The following CAVIN1 variants were observed in gnomAD, a reference collection of about 807,000 sequenced individuals.
CAVIN1 encodes the protein caveolae-associated protein 1.
In CAVIN1, 16 loss-of-function variants were observed where a neutral mutation model predicts 24.0. The ratio of observed to expected loss-of-function variants is 0.67; its 90% CI spans 0.45 to 1.01. The LOEUF (loss-of-function observed/expected upper bound fraction) is 1.01. CAVIN1 is among the 50% of genes least tolerant of loss of function. CAVIN1 has a pLI of 0.00. For missense variants in CAVIN1, 510 were observed against 551.7 expected, an observed-to-expected ratio of 0.92 and a Z score of 0.76; for synonymous variants, 256 against 256.4, an observed-to-expected ratio of 1.00 and a Z score of 0.02.
In CAVIN1 at chr17:42,420,996, C is replaced by T. The variant is rs955836930; in HGVS notation, c.471+1631G>A. The stretch of plus-strand genomic sequence containing the variant: ...AAAACGTCAAAAGCCCCCCTCTCAT[C>T]CTGCGTCCTCCAAGCAGTTAGACTA... On this transcript the variant is annotated intron_variant, in intron 1 of 1. Coordinates refer to ENST00000357037, the MANE Select transcript of CAVIN1 (RefSeq NM_012232.6). Among the ~76,000 whole-genome samples, 7 of 152,126 alleles carry T rather than the reference C, an allele frequency of 4.6e-5. No individual in the cohort carries two copies. The East Asian group carries it at 9.6e-4, about 21-fold the overall frequency.
chr17:42,421,731 GC>G (rs1302515851), intron 1 of CAVIN1, among the ~76,000 whole-genome samples: 1 of 152,178 alleles, frequency 6.6e-6, no homozygotes, highest in Non-Finnish European at 1.5e-5. Flanking sequence ...CCCGGGCGGA[GC>G]CGGGGGGTGG....
chr17:42,412,289 G>A (rs1240732919), intron 1 of CAVIN1: 46 of 985,052 alleles, frequency 4.7e-5, no homozygotes, highest in Non-Finnish European at 5.4e-5. Flanking sequence ...GGCTTGGGGT[G>A]GGTGCAAAAG....
At chr17:42,415,134 G>C (rs995773530) in intron 1 of CAVIN1, among the ~76,000 whole-genome samples, 1 of 152,082 alleles carries the variant, frequency 6.6e-6, no homozygotes, top group Non-Finnish European at 1.5e-5. Flanking sequence ...CCCAGGGCCA[G>C]GACTGTGCAA....
At chr17:42,411,418 G>C in intron 1 of CAVIN1, 2 of 984,992 alleles carry the variant, frequency 2.0e-6, no homozygotes, top group Non-Finnish European at 2.4e-6. Context: ...TTTTTTTTAA[G>C]TTGAGAAACA....
chr17:42,419,687 C>G (rs2085533513), intron 1 of CAVIN1, among the ~76,000 whole-genome samples: 1 of 152,176 alleles, frequency 6.6e-6, no homozygotes, highest in Non-Finnish European at 1.5e-5. Flanking sequence ...AGTCCATTAA[C>G]TCCTATAACT....
chr17:42,405,415 G>A (rs71377279), intron 1 of CAVIN1, 27 bp from the exon 2 acceptor site: 1 of 1,599,582 alleles, frequency 6.3e-7, no homozygotes, highest in Non-Finnish European at 8.5e-7. Context: ...AGGGACATGA[G>A]AGGCGTCGGA....
At chr17:42,406,278 C>G (rs1016476201) in intron 1 of CAVIN1, among the ~76,000 whole-genome samples, 1 of 152,062 alleles carries the variant, frequency 6.6e-6, no homozygotes, top group African/African-American at 2.4e-5. Flanking sequence ...GTGGGAGTGT[C>G]TAAGTTGAAA....
At chr17:42,417,620 A>T (rs1235706662) in intron 1 of CAVIN1, among the ~76,000 whole-genome samples, 1 of 152,196 alleles carries the variant, frequency 6.6e-6, no homozygotes, top group Non-Finnish European at 1.5e-5. Context: ...AGTCTAGCCC[A>T]TACAATTATA....
intron 1 of CAVIN1, chr17:42,412,389 C>A: frequency 3.2e-4 from 64 of 203,002 alleles, no homozygotes; most frequent in Middle Eastern, 2.6e-3. Context: ...AAATAAACCA[C>A]TTTTTTTTTT....
chr17:42,410,650 A>C (rs1385461422), intron 1 of CAVIN1, among the ~76,000 whole-genome samples: 1 of 152,102 alleles, frequency 6.6e-6, no homozygotes, highest in Admixed American at 6.6e-5. Context: ...GCTGTGGCTC[A>C]AGGCTGTAAT....
intron 1 of CAVIN1, among the ~76,000 whole-genome samples, chr17:42,418,229 CTTTTTT>C (rs555569816): frequency 3.1e-5 from 4 of 129,474 alleles, no homozygotes; most frequent in African/African-American, 5.9e-5. Flanking sequence ...ACTGTATTTC[CTTTTTT>C]TTTTTTTTTT....
At chr17:42,419,540 A>C (rs1049775506) in intron 1 of CAVIN1, among the ~76,000 whole-genome samples, 1 of 151,970 alleles carries the variant, frequency 6.6e-6, no homozygotes, top group Non-Finnish European at 1.5e-5. Context: ...CGAACTACTG[A>C]CCTCAAGTGA....
chr17:42,411,064 A>G (rs1230379037), intron 1 of CAVIN1, among the ~76,000 whole-genome samples: 1 of 150,980 alleles, frequency 6.6e-6, no homozygotes, highest in Non-Finnish European at 1.5e-5. Flanking sequence ...GTGGTGGCAC[A>G]TGCCTGTAAT....
At chr17:42,415,695 G>A (rs893995065) in intron 1 of CAVIN1, among the ~76,000 whole-genome samples, 3 of 151,448 alleles carry the variant, frequency 2.0e-5, no homozygotes, top group Admixed American at 6.6e-5. Flanking sequence ...CTGGGCAACA[G>A]AGTGAGACCC....
intron 1 of CAVIN1, among the ~76,000 whole-genome samples, chr17:42,420,471 T>C (rs2085538785): frequency 1.3e-5 from 2 of 152,224 alleles, no homozygotes; most frequent in Middle Eastern, 3.2e-3. Context: ...TCCTTACGTC[T>C]GAAGTCTTCC....
chr17:42,419,881 T>TTGTG (rs2013276799), intron 1 of CAVIN1, among the ~76,000 whole-genome samples: 1 of 120,146 alleles, frequency 8.3e-6, no homozygotes, highest in South Asian at 2.6e-4. Flanking sequence ...GTGCTGAATT[T>TTGTG]CGTGTGTGTG....
intron 1 of CAVIN1, among the ~76,000 whole-genome samples, chr17:42,406,731 C>A (rs1005543960): frequency 1.4e-4 from 22 of 152,092 alleles, no homozygotes; most frequent in Non-Finnish European, 3.2e-4. Context: ...CACCCTCCCC[C>A]ACCTCCACCT....
intron 1 of CAVIN1, among the ~76,000 whole-genome samples, chr17:42,406,630 G>A (rs934432289): frequency 1.3e-5 from 2 of 152,052 alleles, no homozygotes; most frequent in Non-Finnish European, 2.9e-5. Context: ...ACCCGCCTTG[G>A]CCTCCCAAAG....
chr17:42,412,069 T>A, intron 1 of CAVIN1: 6 of 985,232 alleles, frequency 6.1e-6, no homozygotes, highest in Non-Finnish European at 7.2e-6. Flanking sequence ...GGCTGTCAGC[T>A]CCTCTGGGGT....
Sources: gnomAD v4.1 joint callset for allele counts (sites outside exome capture counted in the v4.1 genomes callset) on GRCh38, gnomAD v4.1.1 for gene constraint, MANE v1.5 for transcripts, NCBI Gene and HGNC (gene_info 2026-07-23, HGNC 2026-07-21) for gene names.